The following ASAP1 variants were observed in gnomAD, a reference collection of about 807,000 sequenced individuals.
ASAP1 encodes arf-GAP with SH3 domain, ANK repeat and PH domain-containing protein 1.
Under a neutral mutation model 145.2 loss-of-function variants are expected in ASAP1, and 43 were observed. The ratio of observed to expected loss-of-function variants is 0.30; its 90% CI spans 0.23 to 0.38. The LOEUF (loss-of-function observed/expected upper bound fraction) is 0.38, where lower values mean the gene tolerates loss of function less well. ASAP1 is among the 10% of genes least tolerant of loss of function. The pLI is 1.00. For synonymous variants in ASAP1, 546 were observed against 515.5 expected (o/e 1.06, Z -0.80); for missense variants, 1,018 against 1,355.3 (o/e 0.75, Z 3.91).
At chr8:130,214,238 A>T (rs1816753987) in intron 5 of ASAP1, among the ~76,000 whole-genome samples, 1 of 152,216 alleles carries the variant, frequency 6.6e-6, no homozygotes, top group Non-Finnish European at 1.5e-5. Flanking sequence ...CTTTAAAAAA[A>T]AATCAATGGT....
At chr8:130,177,022 G>A (rs115290032) in intron 9 of ASAP1, among the ~76,000 whole-genome samples, 1,655 of 152,172 alleles carry the variant, frequency 0.011, 26 homozygotes, top group African/African-American at 0.038. Flanking sequence ...CATGGTACCC[G>A]TCACTGTCCA....
chr8:130,296,859 A>C (rs935299867), intron 3 of ASAP1, among the ~76,000 whole-genome samples: 3 of 152,110 alleles, frequency 2.0e-5, no homozygotes, highest in Non-Finnish European at 4.4e-5. Flanking sequence ...TAAACATCTA[A>C]GGCTGAAGCC....
chr8:130,250,858 T>C (rs760635252), intron 3 of ASAP1, among the ~76,000 whole-genome samples: 8 of 152,082 alleles, frequency 5.3e-5, no homozygotes, highest in South Asian at 2.1e-4. Flanking sequence ...GAGAAAACAA[T>C]TAATCTGTTT....
chr8:130,134,958 C>T (rs1040572133), intron 14 of ASAP1, among the ~76,000 whole-genome samples: 1 of 152,198 alleles, frequency 6.6e-6, no homozygotes, highest in Non-Finnish European at 1.5e-5. Context: ...GATGTTGGGG[C>T]TGCTCTCTGG....
chr8:130,086,312 T>C (rs2097492983), intron 25 of ASAP1, among the ~76,000 whole-genome samples: 1 of 152,184 alleles, frequency 6.6e-6, no homozygotes, highest in Admixed American at 6.5e-5. Flanking sequence ...GTTGAGATAA[T>C]AGCATTTTCT....
At chr8:130,246,522 G>A (rs1818864562) in intron 3 of ASAP1, among the ~76,000 whole-genome samples, 1 of 152,088 alleles carries the variant, frequency 6.6e-6, no homozygotes, top group African/African-American at 2.4e-5. Flanking sequence ...TGGTTAAAAA[G>A]TACGGTGCTT....
At chr8:130,435,279 T>C (rs1294092167) in intron 1 of ASAP1, among the ~76,000 whole-genome samples, 1 of 152,240 alleles carries the variant, frequency 6.6e-6, no homozygotes, top group Admixed American at 6.5e-5. Flanking sequence ...TTCAGTGATA[T>C]TCTTCAGCAT....
chr8:130,294,034 G>A (rs752495354), intron 3 of ASAP1, among the ~76,000 whole-genome samples: 6 of 152,134 alleles, frequency 3.9e-5, no homozygotes, highest in African/African-American at 4.8e-5. Context: ...ATAATCTTAC[G>A]TAATAGGTAT....
intron 2 of ASAP1, among the ~76,000 whole-genome samples, chr8:130,375,209 T>C (rs1027521018): frequency 6.6e-6 from 1 of 152,104 alleles, no homozygotes; most frequent in African/African-American, 2.4e-5. Context: ...TTGTGCTTAG[T>C]CGCAGGGCTC....
intron 5 of ASAP1, among the ~76,000 whole-genome samples, chr8:130,191,564 A>G (rs1026550039): frequency 2.0e-5 from 3 of 152,134 alleles, no homozygotes; most frequent in Non-Finnish European, 4.4e-5. Flanking sequence ...TACACAGCCA[A>G]CTCTACTACA....
intron 3 of ASAP1, among the ~76,000 whole-genome samples, chr8:130,303,847 A>T (rs1356290164): frequency 6.6e-6 from 1 of 152,224 alleles, no homozygotes; most frequent in African/African-American, 2.4e-5. Flanking sequence ...GTAACAGAGG[A>T]TACATATCAT....
chr8:130,209,880 A>G (rs1304052124), intron 5 of ASAP1, among the ~76,000 whole-genome samples: 1 of 152,126 alleles, frequency 6.6e-6, no homozygotes, highest in East Asian at 1.9e-4. Flanking sequence ...GAATGAAGTG[A>G]GCTTATCACC....
chr8:130,374,392 G>T (rs1315207764), intron 2 of ASAP1, among the ~76,000 whole-genome samples: 1 of 152,202 alleles, frequency 6.6e-6, no homozygotes, highest in Non-Finnish European at 1.5e-5. Context: ...GGATAGGGCT[G>T]GGACCAGTGG....
intron 5 of ASAP1, among the ~76,000 whole-genome samples, chr8:130,210,768 A>G (rs945365295): frequency 2.0e-5 from 3 of 152,230 alleles, no homozygotes; most frequent in Admixed American, 2.0e-4. Context: ...TTGCAGGTAT[A>G]TATTTTTTGA....
At chr8:130,218,513 C>A (rs918655156) in intron 4 of ASAP1, among the ~76,000 whole-genome samples, 3 of 152,076 alleles carry the variant, frequency 2.0e-5, no homozygotes, top group Admixed American at 6.6e-5. Flanking sequence ...AAATTTCATG[C>A]AAAGGTTAGA....
chr8:130,415,924 T>C, intron 1 of ASAP1, among the ~76,000 whole-genome samples: 1 of 152,186 alleles, frequency 6.6e-6, no homozygotes, highest in Admixed American at 6.5e-5. Flanking sequence ...TCCTCAAACA[T>C]CTTTCTGAAA....
rs2097397897 is a variant in ASAP1 at position 130,053,781 on chromosome 8, C to G, written c.*950G>C. 1 of 152,214 alleles carries G rather than the reference C, an allele frequency of 6.6e-6. No individual in the cohort carries two copies. Among genetic ancestry groups the G allele is most frequent in the Non-Finnish European group, 1.5e-5 (1 of 68,028 alleles). 9.4% of individuals were successfully genotyped at this position (152,214 alleles called of 1,614,324 possible). A position where few individuals can be genotyped will look rare whatever the true frequency, so the allele number is the denominator to read the frequency against. On this transcript the variant is annotated 3_prime_UTR_variant, in exon 30 of 30. Transcript: ENST00000518721. ...TGCATTCATAACACAATATGTCAAT[C>G]CATACTCTTGAGAAAGCCAGTGATT... is the stretch of plus-strand genomic sequence containing the variant.
At chr8:130,098,693 T>C (rs538675698) in intron 24 of ASAP1, among the ~76,000 whole-genome samples, 2 of 152,174 alleles carry the variant, frequency 1.3e-5, no homozygotes, top group African/African-American at 2.4e-5. Flanking sequence ...ATAGGATACA[T>C]AGTGATATTT....
intron 10 of ASAP1, among the ~76,000 whole-genome samples, chr8:130,168,702 G>C (rs538866897): frequency 1.3e-5 from 2 of 152,206 alleles, no homozygotes; most frequent in South Asian, 4.1e-4. Context: ...TGCAACTGCT[G>C]ACCAAGGAAC....
Sources: gnomAD v4.1 joint callset for allele counts (sites outside exome capture counted in the v4.1 genomes callset) on GRCh38, gnomAD v4.1.1 for gene constraint, MANE v1.5 for transcripts, NCBI Gene and HGNC (gene_info 2026-07-23, HGNC 2026-07-21) for gene names.